URB1: variants seen among roughly 807,000 people sequenced by gnomAD.
URB1 encodes nucleolar pre-ribosomal-associated protein 1.
Under a neutral mutation model 242.3 loss-of-function variants are expected in URB1, and 197 were observed. The ratio of observed to expected loss-of-function variants is 0.81; its 90% CI spans 0.72 to 0.91. The LOEUF (loss-of-function observed/expected upper bound fraction) is 0.91, where lower values mean the gene tolerates loss of function less well. Ranked by LOEUF, URB1 falls within the 40% of genes least tolerant of loss-of-function variation. The pLI, the probability that URB1 is intolerant of heterozygous loss-of-function variation, is 0.00. For synonymous variants in URB1, 1,153 were observed against 1,201.8 expected, an observed-to-expected ratio of 0.96 and a Z score of 0.84; for missense variants, 2,721 against 2,860.5, an observed-to-expected ratio of 0.95 and a Z score of 1.11.
intron 30 of URB1, among the ~76,000 whole-genome samples, chr21:32,332,705 T>C (rs2032911119): frequency 2.6e-5 from 4 of 151,952 alleles, no homozygotes; most frequent in Non-Finnish European, 5.9e-5. Flanking sequence ...CACAGGATGT[T>C]CAACATCATT....
At chr21:32,331,018 A>G (rs1313953352) in intron 30 of URB1, among the ~76,000 whole-genome samples, 1 of 152,224 alleles carries the variant, frequency 6.6e-6, no homozygotes, top group Admixed American at 6.5e-5. Flanking sequence ...CAGAAGTAGG[A>G]GCATTTGTTG....
intron 14 of URB1, among the ~76,000 whole-genome samples, 178 bp from the exon 15 acceptor site, chr21:32,357,834 C>T (rs2033240571): frequency 6.6e-6 from 1 of 152,088 alleles, no homozygotes; most frequent in African/African-American, 2.4e-5. Flanking sequence ...TGGAGACGAG[C>T]CTGGCCAACA....
At chr21:32,315,508 T>C (rs897090737) in intron 38 of URB1, among the ~76,000 whole-genome samples, 8 of 152,068 alleles carry the variant, frequency 5.3e-5, no homozygotes, top group African/African-American at 1.9e-4. Context: ...TTTCACTATG[T>C]TGCCCAGGCT....
At chr21:32,362,662 T>C (rs1484827091) in intron 11 of URB1, among the ~76,000 whole-genome samples, 1 of 152,194 alleles carries the variant, frequency 6.6e-6, no homozygotes, top group East Asian at 1.9e-4. Context: ...CAGGGAAAGC[T>C]GCCCTGTGTA....
rs1004966871 is a variant in URB1 at position 32,344,709 on chromosome 21, T to C, written c.4118A>G (p.Glu1373Gly). The change falls in exon 24 of 39, where the codon GAA becomes GGA. Residue 1373 changes from glutamate to glycine, a missense_variant. By Grantham distance (98) the Glu-to-Gly change is moderately conservative. Transcript: ENST00000382751. ...SISAALEGSA[E>G]ELCAWRRTLL... is the part of the protein sequence containing the mutation. ...GGTCCTTCTCCAGGCACACAGCTCT[T>C]CTGCTGACCCTTCCAGAGCTGCTGA... is the stretch of plus-strand genomic sequence containing the variant. 1.3e-6 allele frequency: 2 copies of C among 1,552,168 alleles called. No homozygotes were observed. The highest frequency in any genetic ancestry group is 1.7e-6 in the Non-Finnish European group (2 of 1,147,112).
chr21:32,355,662 G>A (rs1457041913), intron 15 of URB1, 97 bp from the exon 16 acceptor site: 11 of 1,010,790 alleles, frequency 1.1e-5, no homozygotes, highest in Admixed American at 4.1e-5. Context: ...AGGCTGGAGT[G>A]CAGTGGCATG....
Position 32,363,251 on chromosome 21 carries a change from G to A in URB1, c.1414C>T (p.His472Tyr). 1 of 1,551,998 alleles carries A rather than the reference G, an allele frequency of 6.4e-7. No homozygotes were observed. The highest frequency in any genetic ancestry group is 8.7e-7 in the Non-Finnish European group (1 of 1,147,080). Reference sequence around the variant, plus strand: ...TGCCACACCTCTTTATTCAGGCAGTGGTCAACAGTTTTTAATGCCCTCTTC... The same window carrying A: ...TGCCACACCTCTTTATTCAGGCAGTAGTCAACAGTTTTTAATGCCCTCTTC... ...ILKRALKTVD[H>Y]CLNKEVWQES... Residue 472 changes from histidine (H) to tyrosine (Y), a missense_variant, in exon 11 of 39, where the codon CAC becomes TAC. Physicochemically the swap from His to Tyr is moderately conservative, Grantham distance 83. Transcript: ENST00000382751.
chr21:32,333,179 G>A, intron 30 of URB1, 138 bp downstream of exon 30: 2 of 753,946 alleles, frequency 2.7e-6, no homozygotes, highest in Non-Finnish European at 4.6e-6. Flanking sequence ...AACAGATGAG[G>A]ATGGCTGAAG....
At chr21:32,391,229 G>T (rs993679283) in intron 1 of URB1, among the ~76,000 whole-genome samples, 1 of 145,988 alleles carries the variant, frequency 6.8e-6, no homozygotes, top group African/African-American at 2.5e-5. Flanking sequence ...GGGTCGGGGG[G>T]AGGGGGGAGG....
At chr21:32,373,552 T>C (rs1178063943) in intron 7 of URB1, 95 bp downstream of exon 7, 41 of 1,344,944 alleles carry the variant, frequency 3.0e-5, no homozygotes, top group Non-Finnish European at 4.0e-5. Context: ...ATGAGGGGAC[T>C]TCAAGTCTGG....
chr21:32,376,946 G>C (rs868605554), intron 5 of URB1, among the ~76,000 whole-genome samples: 1 of 152,136 alleles, frequency 6.6e-6, no homozygotes, highest in African/African-American at 2.4e-5. Context: ...ACAGGTGTGA[G>C]CCACGACGGC....
intron 11 of URB1, 91 bp from the exon 12 acceptor site, chr21:32,362,112 G>A: frequency 6.8e-7 from 1 of 1,475,632 alleles, no homozygotes; most frequent in Non-Finnish European, 9.0e-7. Context: ...CAAAAAACAG[G>A]GAGGGGGGTG....
At chr21:32,345,229 C>T in intron 23 of URB1, 145 bp downstream of exon 23, 1 of 909,288 alleles carries the variant, frequency 1.1e-6, no homozygotes, top group Non-Finnish European at 1.6e-6. Context: ...GGCAGGATGG[C>T]TGGAAGTAGA....
intron 30 of URB1, among the ~76,000 whole-genome samples, chr21:32,326,374 C>T (rs2123551472): frequency 6.6e-6 from 1 of 152,258 alleles, no homozygotes; most frequent in Admixed American, 6.5e-5. Flanking sequence ...AAGAGATAGT[C>T]CATTGATGAC....
Position 32,385,508 on chromosome 21 carries a change from T to C in URB1, c.282+37A>G, listed in dbSNP as rs771078493. 2.0e-6 allele frequency: 3 copies of C among 1,536,756 alleles called. No homozygotes were observed. The Admixed American group carries it at 6.2e-5, about 32-fold the overall frequency. On this transcript the variant is annotated intron_variant, in intron 2 of 38. Transcript: ENST00000382751. ...TCAAACTTAACAGCAGCATTAACTTTTCTTCTCTTCATCAAGCCATGTAAG... is the reference window on the plus strand; with the variant it reads ...TCAAACTTAACAGCAGCATTAACTTCTCTTCTCTTCATCAAGCCATGTAAG...
At chr21:32,377,980 C>A (rs558875724) in intron 5 of URB1, among the ~76,000 whole-genome samples, 4 of 152,300 alleles carry the variant, frequency 2.6e-5, no homozygotes, top group Non-Finnish European at 5.9e-5. Flanking sequence ...AGGGACACAG[C>A]CACCAAAAGG....
At chr21:32,345,183 A>G (rs2123576114) in intron 23 of URB1, among the ~76,000 whole-genome samples, 191 bp downstream of exon 23, 1 of 152,120 alleles carries the variant, frequency 6.6e-6, no homozygotes, top group Middle Eastern at 3.4e-3. Context: ...AGGGAACCCG[A>G]CCCAGCCATC....
At chr21:32,338,098 G>A (rs2032983475) in intron 26 of URB1, among the ~76,000 whole-genome samples, 1 of 152,144 alleles carries the variant, frequency 6.6e-6, no homozygotes, top group Non-Finnish European at 1.5e-5. Context: ...GTTTATTACA[G>A]TCTGACCCTG....
At chr21:32,353,663 A>G (rs2033184374) in intron 18 of URB1, among the ~76,000 whole-genome samples, 1 of 152,148 alleles carries the variant, frequency 6.6e-6, no homozygotes, top group African/African-American at 2.4e-5. Context: ...AAAAACATCA[A>G]CGTTACAGAG....
Sources: allele counts gnomAD v4.1 joint callset (sites outside exome capture counted in the v4.1 genomes callset), GRCh38; gene constraint gnomAD v4.1.1; transcripts MANE v1.5; gene names NCBI Gene and HGNC (gene_info 2026-07-23, HGNC 2026-07-21).